ZNF658: variants seen among roughly 807,000 people sequenced by gnomAD.
ZNF658 encodes zinc finger protein 658.
Under a neutral mutation model 78.0 loss-of-function variants are expected in ZNF658, and 46 were observed. That is an observed-to-expected ratio of 0.59 (90% confidence interval 0.47 to 0.75). ZNF658 has a LOEUF of 0.75. Among genes scored for constraint, ZNF658 ranks in the 30% least tolerant of loss-of-function variants. The pLI is 0.00. For synonymous variants in ZNF658, 279 were observed against 408.4 expected (o/e 0.68, Z 3.82); for missense variants, 785 against 1,189.3 (o/e 0.66, Z 5.00).
chr9:66,908,374 G>A lies in ZNF658; in HGVS notation c.142+10G>A. 1.2e-6 allele frequency: 2 copies of A among 1,614,060 alleles called. No homozygotes were observed. The highest frequency in any genetic ancestry group is 2.2e-5 in the East Asian group (1 of 44,886). ...CACCTCATCTCAGTGGGTGAGCATA[G>A]CTTACCATGGGGCTCTCTCGAGAAT... On this transcript the variant is annotated intron_variant, in intron 3 of 4. Coordinates refer to ENST00000621410, the MANE Select transcript of ZNF658 (RefSeq NM_033160.7).
At chr9:66,923,091 G>A (rs1038258119), downstream of ZNF658, among the ~76,000 whole-genome samples, 10 of 146,948 alleles carry the variant, frequency 6.8e-5, no homozygotes, top group African/African-American at 1.7e-4. Flanking sequence ...AAGGAAGCCA[G>A]TCTGAGTTCC....
chr9:66,915,740 C>CT (rs1822321613), intron 4 of ZNF658, among the ~76,000 whole-genome samples: 1 of 147,610 alleles, frequency 6.8e-6, no homozygotes, highest in South Asian at 2.2e-4. Flanking sequence ...TGTGTCTTCT[C>CT]TTTTTTTCTC....
chr9:66,908,761 C>A, intron 4 of ZNF658, 27 bp downstream of exon 4: 1 of 1,606,264 alleles, frequency 6.2e-7, no homozygotes, highest in Non-Finnish European at 8.5e-7. Flanking sequence ...AGAAGGAGCC[C>A]CCTGGGGGTA....
At chr9:66,909,007 A>T (rs1436225005) in intron 4 of ZNF658, among the ~76,000 whole-genome samples, 1 of 152,206 alleles carries the variant, frequency 6.6e-6, no homozygotes, top group Non-Finnish European at 1.5e-5. Flanking sequence ...CATGGCATTT[A>T]CATTGTATTA....
intron 6 of ZNF658, among the ~76,000 whole-genome samples, chr9:66,927,607 G>A (rs987368735): frequency 2.7e-5 from 4 of 149,396 alleles, no homozygotes; most frequent in Admixed American, 2.7e-4. Context: ...CAACATTAAT[G>A]TCCATTAACA....
chr9:66,918,880 A>T lies in ZNF658; in HGVS notation c.1314A>T (p.Lys438Asn), dbSNP rs772060347. Residue 438 changes from lysine to asparagine, a missense_variant, in exon 5 of 5, where the codon AAA becomes AAT. Lys to Asn is a moderately conservative substitution (Grantham distance 94). This residue lies in a region of ZNF658 where 393 missense variants were observed against 400.2 expected (regional missense o/e 0.98). Coordinates refer to ENST00000621410, the MANE Select transcript of ZNF658 (RefSeq NM_033160.7). ...ATCCTGGAACTTATGTGGGATTCAA[A>T]CTTTATGAATGTAATGAATGTGGGA... Reference protein sequence around the residue: ...IQHPGTYVGFKLYECNECGKA... With the variant: ...IQHPGTYVGFNLYECNECGKA... The T allele has an allele frequency of 8.0e-5, 127 of 1,593,122 alleles. No individual in the cohort carries two copies. The highest frequency in any genetic ancestry group is 9.8e-5 in the Non-Finnish European group (114 of 1,166,468).
rs148638247 is a variant in ZNF658, at chr9:66,917,880, G to C, written c.314G>C (p.Ser105Thr). Residue 105 changes from serine to threonine, a missense_variant, in exon 5 of 5, where the codon AGT becomes ACT. Ser to Thr is a moderately conservative substitution (Grantham distance 58). This residue lies in a region of ZNF658 where 54 missense variants were observed against 48.9 expected (regional missense o/e 1.10). Coordinates refer to ENST00000621410, the MANE Select transcript of ZNF658 (RefSeq NM_033160.7). The stretch of plus-strand genomic sequence containing the variant: ...CCTCTGTGGCAAGAAATATTCATCA[G>C]TGATGCTGACAAAACATTGAGTAAA... ...EKPLWQEIFISDADKTLSKEG... is the reference protein window; with the variant it reads ...EKPLWQEIFITDADKTLSKEG... 33,583 of 1,603,826 alleles carry C rather than the reference G, an allele frequency of 0.021. 477 individuals are homozygous for C. Among genetic ancestry groups the C allele is most frequent in the South Asian group, 0.028 (2,508 of 90,090 alleles).
At chr9:66,908,781 T>C (rs1171324542) in intron 4 of ZNF658, 47 bp downstream of exon 4, 6 of 1,561,532 alleles carry the variant, frequency 3.8e-6, no homozygotes, top group Non-Finnish European at 5.2e-6. Flanking sequence ...ACTTAGTCTT[T>C]AGAGGGAGAG....
At chr9:66,925,318 C>T (rs1255246281), downstream of ZNF658, among the ~76,000 whole-genome samples, 2 of 151,550 alleles carry the variant, frequency 1.3e-5, no homozygotes, top group African/African-American at 2.4e-5. Context: ...ACCAAGGGGG[C>T]TTATCCTAAG....
At chr9:66,908,760 C>G (rs370050114) in intron 4 of ZNF658, 26 bp downstream of exon 4, 5 of 1,606,398 alleles carry the variant, frequency 3.1e-6, no homozygotes, top group Non-Finnish European at 4.2e-6. Flanking sequence ...CAGAAGGAGC[C>G]CCCTGGGGGT....
chr9:66,916,128 T>A (rs1460866190), intron 4 of ZNF658, among the ~76,000 whole-genome samples: 1 of 151,638 alleles, frequency 6.6e-6, no homozygotes, highest in Non-Finnish European at 1.5e-5. Flanking sequence ...GACCTTGTGA[T>A]CCACACACCT....
In ZNF658 at chr9:66,919,740, A is replaced by G. The variant is rs1822458176; in HGVS notation, c.2174A>G (p.His725Arg). The part of the protein sequence containing the change: ...ECNECEKTFA[H>R]NSALRAHQNI... ...AATGAATGTGAGAAAACATTTGCCC[A>G]TAATTCAGCCCTTAGAGCACATCAG... Residue 725 changes from histidine to arginine, a missense_variant, in exon 5 of 5, where the codon CAT (histidine) becomes CGT (arginine). By Grantham distance (29) the His-to-Arg change is conservative (BLOSUM62 0). This residue lies in a region of ZNF658 where 75 missense variants were observed against 147.1 expected (regional missense o/e 0.51). Coordinates refer to ENST00000621410, the MANE Select transcript of ZNF658 (RefSeq NM_033160.7). 4 of 1,612,652 alleles carry G rather than the reference A, an allele frequency of 2.5e-6. No individual in the cohort carries two copies. Among genetic ancestry groups the G allele is most frequent in the Non-Finnish European group, 2.5e-6 (3 of 1,179,934 alleles).
chr9:66,929,685 C>G (rs375568885), intron 6 of ZNF658, among the ~76,000 whole-genome samples: 4,159 of 131,378 alleles, frequency 0.032, 107 homozygotes, highest in East Asian at 0.21. Flanking sequence ...TTATTTTAAC[C>G]CTTAAAGTAA....
At chr9:66,907,298 C>T (rs540488060) in intron 2 of ZNF658, among the ~76,000 whole-genome samples, 42 of 152,156 alleles carry the variant, frequency 2.8e-4, no homozygotes, top group Admixed American at 1.5e-3. Flanking sequence ...GTTCTAGCTA[C>T]GTATCAACAT....
chr9:66,915,455 T>C (rs1587363623), intron 4 of ZNF658, among the ~76,000 whole-genome samples: 1 of 150,164 alleles, frequency 6.7e-6, no homozygotes, highest in Non-Finnish European at 1.5e-5. Flanking sequence ...CAGAGCTAGC[T>C]ACTTCACTTT....
chr9:66,904,383 G>A (rs1161506225), intron 2 of ZNF658, among the ~76,000 whole-genome samples: 2 of 151,202 alleles, frequency 1.3e-5, no homozygotes, highest in South Asian at 2.1e-4. Context: ...CCCCTCACTG[G>A]TCCTTCCCCG....
chr9:66,926,272 G>A (rs1320224496), downstream of ZNF658, among the ~76,000 whole-genome samples: 1 of 129,526 alleles, frequency 7.7e-6, no homozygotes, highest in Admixed American at 8.2e-5. Flanking sequence ...AATACATCAA[G>A]TTCAGAAGGA....
chr9:66,923,570 C>T (rs1822557018), downstream of ZNF658, among the ~76,000 whole-genome samples: 1 of 139,572 alleles, frequency 7.2e-6, no homozygotes, highest in South Asian at 2.6e-4. Flanking sequence ...TAAAAGATTT[C>T]CTGATTGGCA....
intron 4 of ZNF658, among the ~76,000 whole-genome samples, chr9:66,912,132 C>CAA (rs1204033388): frequency 2.0e-5 from 1 of 49,364 alleles, no homozygotes; most frequent in South Asian, 7.1e-4. Context: ...GACCCCATCT[C>CAA]AAAAAAAAAA....
Sources: gnomAD v4.1 joint callset for allele counts (sites outside exome capture counted in the v4.1 genomes callset) on GRCh38, gnomAD v4.1.1 for gene constraint, gnomAD v4.1.1 regional missense constraint, MANE v1.5 for transcripts, NCBI Gene and HGNC (gene_info 2026-07-23, HGNC 2026-07-21) for gene names.